FSCN3: variants seen among roughly 807,000 people sequenced by gnomAD.
The protein encoded by FSCN3 is fascin-3.
FSCN3 carries 43 observed loss-of-function variants against 53.5 expected under a neutral mutation model. The observed-to-expected ratio is 0.80, with a 90% CI of 0.63 to 1.04. The LOEUF is 1.04. Ranked by LOEUF, FSCN3 falls within the 50% of genes least tolerant of loss-of-function variation. FSCN3 has a pLI of 0.00. For missense variants in FSCN3, 594 were observed against 646.5 expected, an observed-to-expected ratio of 0.92 and a Z score of 0.88; for synonymous variants, 235 against 246.6, an observed-to-expected ratio of 0.95 and a Z score of 0.44.
chr7:127,596,372 T>G lies in FSCN3; in HGVS notation c.886T>G (p.Leu296Val). ...AASERLNRMS[L>V]FQFECDSESP... ...TTCTGAGCGCTTAAACCGAATGTCC[T>G]TGTTCCAGTTTGAATGTGACAGTGA... Residue 296 changes from leucine to valine, a missense_variant, in exon 3 of 7, where the codon TTG (leucine) becomes GTG (valine). Transcript: ENST00000265825. 3 of 1,613,272 alleles carry G rather than the reference T, an allele frequency of 1.9e-6. No individual in the cohort carries two copies. Among genetic ancestry groups the G allele is most frequent in the Non-Finnish European group, 2.5e-6 (3 of 1,179,198 alleles).
intron 6 of FSCN3, among the ~76,000 whole-genome samples, chr7:127,600,950 T>C (rs775064547): frequency 4.6e-5 from 7 of 152,306 alleles, no homozygotes; most frequent in Non-Finnish European, 1.0e-4. Context: ...ATAGCTGATA[T>C]CAGCCTGCTC....
chr7:127,598,479 T>G lies in FSCN3; in HGVS notation c.1005T>G (p.Ser335=). The G allele has an allele frequency of 6.2e-7, 1 of 1,614,112 alleles. No individual in the cohort carries two copies. The highest frequency in any genetic ancestry group is 8.5e-7 in the Non-Finnish European group (1 of 1,179,960). ...TGGCTGATGGGCACCCCCTGGAGTCTGACACGTTCTTCCGAATGCACTGGA... is the reference window on the plus strand; with the variant it reads ...TGGCTGATGGGCACCCCCTGGAGTCGGACACGTTCTTCCGAATGCACTGGA... ...AVMADGHPLE[S]DTFFRMHWNC... Residue 335 remains serine (S), a synonymous_variant, in exon 4 of 7, where the codon TCT becomes TCG. Coordinates refer to ENST00000265825, the MANE Select transcript of FSCN3 (RefSeq NM_020369.3).
rs201553815 is a variant in FSCN3, at chr7:127,595,945, C to T, written c.783C>T (p.His261=). 3 of 1,591,826 alleles carry T rather than the reference C, an allele frequency of 1.9e-6. No individual in the cohort carries two copies. The highest frequency in any genetic ancestry group is 2.6e-6 in the Non-Finnish European group (3 of 1,168,064). Residue 261 remains histidine (H), a synonymous_variant, in exon 2 of 7, where the codon CAC becomes CAT. Coordinates refer to ENST00000265825, the MANE Select transcript of FSCN3 (RefSeq NM_020369.3). The part of the protein sequence containing the change: ...MRGEEWFILQ[H]CPTWVSLRSK... ...GTGAGGAGTGGTTCATCCTACAGCA[C>T]TGCCCAACCTGGGTCAGCCTCAGGT...
rs202131198 is a variant in FSCN3, at chr7:127,599,435, G to A, written c.1175G>A (p.Arg392Gln). Residue 392 changes from arginine to glutamine, a missense_variant, in exon 5 of 7, where the codon CGA (arginine) becomes CAA (glutamine). By Grantham distance (43) the Arg-to-Gln change is conservative (BLOSUM62 1). Transcript: ENST00000265825. The part of the protein sequence containing the change: ...LFANRSFLVL[R>Q]GRYGYVGSSS... ...GCCAATCGCTCCTTCCTTGTATTGC[G>A]AGGTCGTTATGGCTATGTGGGCTCC... is the stretch of plus-strand genomic sequence containing the variant. The A allele has an allele frequency of 2.2e-4, 356 of 1,613,928 alleles. 2 individuals carry two copies. The highest frequency in any genetic ancestry group is 8.5e-4 in the East Asian group (38 of 44,880).
At chr7:127,599,292 C>T (rs1417512189) in intron 4 of FSCN3, 89 bp from the exon 5 acceptor site, 3 of 928,948 alleles carry the variant, frequency 3.2e-6, no homozygotes, top group Non-Finnish European at 3.5e-6. Context: ...TGACCACACC[C>T]TTCTGCAATT....
intron 2 of FSCN3, 72 bp from the exon 3 acceptor site, chr7:127,596,255 GC>G (rs2117428313): frequency 1.3e-6 from 2 of 1,539,290 alleles, no homozygotes; most frequent in Non-Finnish European, 1.8e-6. Context: ...AGGGACAGAA[GC>G]CCCGGTCATA....
In FSCN3 at chr7:127,594,350, A is replaced by G. The variant is rs146766956; in HGVS notation, c.144+353A>G. On this transcript the variant is annotated intron_variant, in intron 1 of 6. Coordinates refer to ENST00000265825, the MANE Select transcript of FSCN3 (RefSeq NM_020369.3). ...CACTTTCCTAGGTTCTGCCAGTGCCAGGCCTGAGACTTTTCTACTCTAGGC... is the reference window on the plus strand; with the variant it reads ...CACTTTCCTAGGTTCTGCCAGTGCCGGGCCTGAGACTTTTCTACTCTAGGC... 2.0e-4 allele frequency: 82 copies of G among 417,876 alleles called. No individual in the cohort carries two copies. In the East Asian group the frequency reaches 3.6e-3, roughly 18 times the overall value. The allele number at this position is 417,876 out of a possible 1,614,324, so 25.9% of individuals were successfully genotyped here.
At chr7:127,597,669 G>A (rs1794409551) in intron 3 of FSCN3, among the ~76,000 whole-genome samples, 1 of 152,008 alleles carries the variant, frequency 6.6e-6, no homozygotes, top group African/African-American at 2.4e-5. Context: ...TAGTAGAGAT[G>A]GGGTTTCACT....
At chr7:127,594,061 C>CGTGAGTGT in intron 1 of FSCN3, 64 bp downstream of exon 1, 2 of 1,377,478 alleles carry the variant, frequency 1.5e-6, no homozygotes, top group Non-Finnish European at 2.0e-6. Flanking sequence ...TGTGTGTGTG[C>CGTGAGTGT]GCGCGCGCGT....
At chr7:127,594,159 G>C (rs1192135761) in intron 1 of FSCN3, among the ~76,000 whole-genome samples, 162 bp downstream of exon 1, 1 of 46,454 alleles carries the variant, frequency 2.2e-5, no homozygotes, top group African/African-American at 8.4e-5. Flanking sequence ...GAGTGGCCAA[G>C]CTGTGTGTGT....
chr7:127,599,870 A>G (rs924181563), intron 5 of FSCN3, among the ~76,000 whole-genome samples: 2 of 151,428 alleles, frequency 1.3e-5, no homozygotes. Context: ...GCGTGAACCC[A>G]GGAGGCGGAG....
Position 127,595,367 on chromosome 7 carries a change from G to A in FSCN3, c.205G>A (p.Val69Met), listed in dbSNP as rs375801404. ...ETQAVVRLKS[V>M]QGLYLLCECD... ...ACAGGCCGTGGTGCGACTAAAGAGC[G>A]TGCAGGGCCTCTACCTGCTGTGTGA... The change falls in exon 2 of 7, where the codon GTG becomes ATG. Residue 69 changes from valine to methionine, a missense_variant. Physicochemically the swap from Val to Met is conservative, Grantham distance 21. Transcript: ENST00000265825. 6.3e-5 allele frequency: 102 copies of A among 1,613,998 alleles called. 2 individuals carry two copies. The South Asian group carries it at 8.1e-4, about 13-fold the overall frequency.
Position 127,596,426 on chromosome 7 carries a change from A to G in FSCN3, c.940A>G (p.Asn314Asp), listed in dbSNP as rs1794390360. 6.4e-7 allele frequency: 1 copy of G among 1,565,278 alleles called. No homozygotes were observed. The highest frequency in any genetic ancestry group is 1.1e-5 in the South Asian group (1 of 90,228). Residue 314 changes from asparagine (N) to aspartate (D), a missense_variant, in exon 3 of 7, where the codon AAT becomes GAT. Asn to Asp is a conservative substitution (Grantham distance 23). Coordinates refer to ENST00000265825, the MANE Select transcript of FSCN3 (RefSeq NM_020369.3). ...CCCCACTGTGCAGCTTCGTTCAGCC[A>G]ATGGCTACTACCTATCCCAGGTGAG... The part of the protein sequence containing the change: ...ESPTVQLRSA[N>D]GYYLSQRRHR...
chr7:127,595,811 A>G lies in FSCN3; in HGVS notation c.649A>G (p.Met217Val), dbSNP rs79861974. 3.4e-3 allele frequency: 5,540 copies of G among 1,613,540 alleles called. 166 individuals are homozygous for G. In the African/African-American group the frequency reaches 0.065, roughly 19 times the overall value. ...ACCCTCATCACAGACAGCTTTTCAC[A>G]TGCAAGTGCGGCCTGGAGGGCTTGT... ...SQPSSQTAFH[M>V]QVRPGGLVAL... The change falls in exon 2 of 7, where the codon ATG (methionine) becomes GTG (valine). Residue 217 changes from methionine (M) to valine (V), a missense_variant. Coordinates refer to ENST00000265825, the MANE Select transcript of FSCN3 (RefSeq NM_020369.3).
intron 4 of FSCN3, 107 bp downstream of exon 4, chr7:127,598,701 C>T (rs1794427246): frequency 8.3e-6 from 8 of 959,394 alleles, no homozygotes; most frequent in South Asian, 7.8e-5. Flanking sequence ...CGTGGTGGCT[C>T]ATGCCTGTAA....
chr7:127,596,420 T>A lies in FSCN3; in HGVS notation c.934T>A (p.Ser312Thr). The change falls in exon 3 of 7, where the codon TCA becomes ACA. Residue 312 changes from serine to threonine, a missense_variant. Ser to Thr is a moderately conservative substitution (Grantham distance 58). Transcript: ENST00000265825. ...TGAGAGCCCCACTGTGCAGCTTCGT[T>A]CAGCCAATGGCTACTACCTATCCCA... ...DSESPTVQLR[S>T]ANGYYLSQRR... 6.3e-7 allele frequency: 1 copy of A among 1,590,600 alleles called. No homozygotes were observed. The highest frequency in any genetic ancestry group is 8.6e-7 in the Non-Finnish European group (1 of 1,158,554).
Position 127,600,290 on chromosome 7 carries a change from A to G in FSCN3, c.1388A>G (p.Asn463Ser), listed in dbSNP as rs201485979. ...LNFCIELQGS[N>S]LLTVLAPNGF... is the part of the protein sequence containing the mutation. ...TTCTGTATCGAGCTTCAGGGGAGCA[A>G]CTTACTCACTGTACTGGCCCCCAAT... Residue 463 changes from asparagine to serine, a missense_variant, in exon 6 of 7, where the codon AAC becomes AGC. Coordinates refer to ENST00000265825, the MANE Select transcript of FSCN3 (RefSeq NM_020369.3). The G allele has an allele frequency of 4.4e-4, 702 of 1,610,572 alleles. 4 individuals carry two copies. The highest frequency in any genetic ancestry group is 1.9e-3 in the South Asian group (171 of 91,008).
Position 127,598,450 on chromosome 7 carries a change from G to C in FSCN3, c.976G>C (p.Val326Leu), listed in dbSNP as rs761678603. 1 of 1,614,020 alleles carries C rather than the reference G, an allele frequency of 6.2e-7. No homozygotes were observed. Among genetic ancestry groups the C allele is most frequent in the Admixed American group, 1.7e-5 (1 of 60,016 alleles). The change falls in exon 4 of 7, where the codon GTA becomes CTA. Residue 326 changes from valine (V) to leucine (L), a missense_variant. Val to Leu is a conservative substitution (Grantham distance 32, BLOSUM62 1). Coordinates refer to ENST00000265825, the MANE Select transcript of FSCN3 (RefSeq NM_020369.3). ...TTCTTTCCAGAGGCGCCACAGGGCA[G>C]TAATGGCTGATGGGCACCCCCTGGA... ...YYLSQRRHRA[V>L]MADGHPLESD... is the part of the protein sequence containing the mutation.
At position 127,596,421 on chromosome 7, in the gene FSCN3, C is replaced by T; in HGVS notation, c.935C>T (p.Ser312Leu). ...DSESPTVQLR[S>L]ANGYYLSQRR... ...GAGAGCCCCACTGTGCAGCTTCGTT[C>T]AGCCAATGGCTACTACCTATCCCAG... Residue 312 changes from serine to leucine, a missense_variant, in exon 3 of 7, where the codon TCA becomes TTA. Transcript: ENST00000265825. 3 of 1,581,806 alleles carry T rather than the reference C, an allele frequency of 1.9e-6. No homozygotes were observed. The highest frequency in any genetic ancestry group is 2.6e-6 in the Non-Finnish European group (3 of 1,150,578).
Sources: gnomAD v4.1 joint callset for allele counts (sites outside exome capture counted in the v4.1 genomes callset) on GRCh38, gnomAD v4.1.1 for gene constraint, MANE v1.5 for transcripts, NCBI Gene and HGNC (gene_info 2026-07-23, HGNC 2026-07-21) for gene names.